EMSY: variants seen among roughly 807,000 people sequenced by gnomAD.
EMSY encodes BRCA2-interacting transcriptional repressor EMSY.
Under a neutral mutation model 134.6 loss-of-function variants are expected in EMSY, and 26 were observed. That is an observed-to-expected ratio of 0.19 (90% CI 0.14 to 0.27). EMSY has a LOEUF of 0.27. Ranked by LOEUF, EMSY falls within the 10% of genes least tolerant of loss-of-function variation. The pLI, the probability that EMSY is intolerant of heterozygous loss-of-function variation, is 1.00. For missense variants in EMSY, 1,305 were observed against 1,611.4 expected, an observed-to-expected ratio of 0.81 and a Z score of 3.26; for synonymous variants, 579 against 577.8, an observed-to-expected ratio of 1.00 and a Z score of -0.03.
intron 2 of EMSY, among the ~76,000 whole-genome samples, chr11:76,450,124 A>G (rs1303968594): frequency 6.8e-6 from 1 of 146,290 alleles, no homozygotes; most frequent in Non-Finnish European, 1.5e-5. Context: ...TTCTGCTTCT[A>G]CGCTAGATGA....
At chr11:76,478,259 A>G (rs185387720) in intron 8 of EMSY, among the ~76,000 whole-genome samples, 61 of 152,304 alleles carry the variant, frequency 4.0e-4, no homozygotes, top group African/African-American at 1.4e-3. Context: ...ATAGAGAACA[A>G]AGCGCTACCA....
chr11:76,529,087 G>GA (rs1305761183), intron 14 of EMSY, among the ~76,000 whole-genome samples: 4 of 152,146 alleles, frequency 2.6e-5, no homozygotes, highest in African/African-American at 9.7e-5. Context: ...GGTGCTGTTT[G>GA]AATTATGTTA....
At chr11:76,519,772 A>C (rs1018650376) in intron 11 of EMSY, among the ~76,000 whole-genome samples, 1 of 152,158 alleles carries the variant, frequency 6.6e-6, no homozygotes, top group Admixed American at 6.5e-5. Flanking sequence ...GGATCTTTTT[A>C]AAAAATAAGA....
At chr11:76,535,927 C>T (rs758563975) in exon 15 of EMSY, 10 of 1,552,420 alleles carry the variant, frequency 6.4e-6, no homozygotes, top group Non-Finnish European at 7.8e-6. Flanking sequence ...AATTGCTTCC[C>T]GGCGTCAGGA....
chr11:76,449,064 A>G (rs1947543609), intron 2 of EMSY, among the ~76,000 whole-genome samples: 1 of 152,140 alleles, frequency 6.6e-6, no homozygotes, highest in African/African-American at 2.4e-5. Context: ...GGCTGATTTA[A>G]TGGACCAAAT....
At chr11:76,483,269 G>A (rs61894531) in intron 8 of EMSY, among the ~76,000 whole-genome samples, 14 of 152,114 alleles carry the variant, frequency 9.2e-5, no homozygotes, top group Non-Finnish European at 2.1e-4. Context: ...AACATGGAAA[G>A]GAAAAACCAG....
chr11:76,510,389 A>C (rs893785519), intron 9 of EMSY, among the ~76,000 whole-genome samples: 4 of 152,204 alleles, frequency 2.6e-5, no homozygotes, highest in Admixed American at 2.6e-4. Flanking sequence ...TTGATTCACA[A>C]ATAAAAATGC....
intron 18 of EMSY, among the ~76,000 whole-genome samples, 194 bp downstream of exon 19, chr11:76,542,561 A>C (rs1951478796): frequency 6.6e-6 from 1 of 152,232 alleles, no homozygotes; most frequent in Admixed American, 6.5e-5. Flanking sequence ...GTATTCTTAA[A>C]TCTGTGAACT....
At chr11:76,497,282 C>T (rs1353823118) in intron 9 of EMSY, 1 of 152,226 alleles carries the variant, frequency 6.6e-6, no homozygotes, top group Admixed American at 6.5e-5. Flanking sequence ...CAATTTGTCT[C>T]TCTATTCATG....
intron 7 of EMSY, among the ~76,000 whole-genome samples, chr11:76,467,744 C>T (rs1948409800): frequency 3.3e-5 from 5 of 151,988 alleles, no homozygotes; most frequent in Admixed American, 3.3e-4. Flanking sequence ...GTAATCCCAA[C>T]ACTTTGGGAG....
chr11:76,458,314 A>C (rs1223086840), exon 5 of EMSY: 2 of 1,613,936 alleles, frequency 1.2e-6, no homozygotes, highest in Admixed American at 1.7e-5. Flanking sequence ...GCTATCCAGC[A>C]TAATGCATCT....
At chr11:76,467,930 G>C (rs996459721) in intron 7 of EMSY, among the ~76,000 whole-genome samples, 1 of 149,636 alleles carries the variant, frequency 6.7e-6, no homozygotes, top group Non-Finnish European at 1.5e-5. Context: ...AGTGAGCCAA[G>C]ATTGTGCCAT....
intron 17 of EMSY, 40 bp from the exon 19 acceptor site, chr11:76,542,176 G>A: frequency 6.2e-7 from 1 of 1,610,468 alleles, no homozygotes; most frequent in African/African-American, 1.3e-5. Context: ...AGATGCTGTG[G>A]TGATTTCTGG....
chr11:76,469,884 A>G (rs1331775392), intron 7 of EMSY, among the ~76,000 whole-genome samples: 1 of 152,166 alleles, frequency 6.6e-6, no homozygotes, highest in Non-Finnish European at 1.5e-5. Flanking sequence ...ATAATGCTAT[A>G]TAGGTATTTG....
At chr11:76,547,250 A>T (rs1010833388) in intron 20 of EMSY, 1 of 271,764 alleles carries the variant, frequency 3.7e-6, no homozygotes, top group African/African-American at 2.3e-5. Context: ...ATTATGGTAA[A>T]CTTTCTCTTT....
At chr11:76,461,726 G>A (rs1388437313) in intron 6 of EMSY, among the ~76,000 whole-genome samples, 7 of 152,090 alleles carry the variant, frequency 4.6e-5, no homozygotes, top group East Asian at 1.9e-4. Flanking sequence ...GAGGTCAGGC[G>A]TTCGAGACTA....
intron 9 of EMSY, among the ~76,000 whole-genome samples, chr11:76,507,853 CTTTTTCTTTTTCT>C (rs1217292747): frequency 1.7e-4 from 20 of 115,460 alleles, no homozygotes; most frequent in Admixed American, 7.6e-4. Flanking sequence ...TTTTCTTTTT[CTTTTTCTTTTTCT>C]TTTTTTTTTT....
At chr11:76,492,939 A>G (rs540760769) in intron 8 of EMSY, among the ~76,000 whole-genome samples, 2 of 152,084 alleles carry the variant, frequency 1.3e-5, no homozygotes, top group Non-Finnish European at 2.9e-5. Flanking sequence ...GAGCCCATGA[A>G]AACCCTGGAC....
chr11:76,489,315 C>CTTTTTTTTTTT (rs57048007), intron 8 of EMSY, among the ~76,000 whole-genome samples: 4 of 128,154 alleles, frequency 3.1e-5, no homozygotes, highest in Non-Finnish European at 3.3e-5. Flanking sequence ...TTCTTGTTTT[C>CTTTTTTTTTTT]TTTTTTTTTT....
Sources: gnomAD v4.1 joint callset for allele counts (sites outside exome capture counted in the v4.1 genomes callset) on GRCh38, gnomAD v4.1.1 for gene constraint, MANE v1.5 for transcripts, NCBI Gene and HGNC (gene_info 2026-07-23, HGNC 2026-07-21) for gene names.